Variants in NSUN2 observed in about 807,000 individuals in gnomAD.
NSUN2 encodes RNA cytosine C(5)-methyltransferase NSUN2.
In NSUN2, 63 loss-of-function variants were observed where a neutral mutation model predicts 92.7. The ratio of observed to expected loss-of-function variants is 0.68; its 90% CI spans 0.56 to 0.84. The LOEUF is 0.84. NSUN2 is among the 40% of genes least tolerant of loss of function. The pLI is 0.00. For synonymous variants in NSUN2, 356 were observed against 348.3 expected, an observed-to-expected ratio of 1.02 and a Z score of -0.25; for missense variants, 989 against 964.9, an observed-to-expected ratio of 1.02 and a Z score of -0.33.
At chr5:6,619,082 T>C (rs546280665) in intron 7 of NSUN2, among the ~76,000 whole-genome samples, 2 of 152,208 alleles carry the variant, frequency 1.3e-5, no homozygotes, top group South Asian at 2.1e-4. Flanking sequence ...CAGAATATGA[T>C]ACAAGGAACG....
intron 14 of NSUN2, among the ~76,000 whole-genome samples, chr5:6,606,210 T>C (rs6555403): frequency 0.68 from 102,821 of 152,144 alleles, 34,894 homozygotes; most frequent in Middle Eastern, 0.74. Flanking sequence ...CAACCTTGGC[T>C]ACTCGTCTAT....
Position 6,618,302 on chromosome 5 carries a change from G to GA in NSUN2, c.816-279dup, listed in dbSNP as rs559685755. Among the ~76,000 whole-genome samples the GA allele has an allele frequency of 8.5e-5, 13 of 152,206 alleles. No individual in the cohort carries two copies. The East Asian group carries it at 2.5e-3, about 29-fold the overall frequency. On this transcript the variant is annotated intron_variant, in intron 7 of 18. Coordinates refer to ENST00000264670, the MANE Select transcript of NSUN2 (RefSeq NM_017755.6). Reference sequence around the variant, plus strand: ...GGAGATATTAATGTGCTTCCATTTGGAAAAAACACTAGCAAGACTAATTTG... The same window carrying GA: ...GGAGATATTAATGTGCTTCCATTTGGAAAAAAACACTAGCAAGACTAATTTG...
rs776981749 is a variant in NSUN2, at chr5:6,604,702, A to T, written c.1738-17T>A. Reference sequence around the variant, plus strand: ...GTTAATAACCTGTAAGTAAAAAAATAAGATGAAACACAGAGAGATGAAGAC... The same window carrying T: ...GTTAATAACCTGTAAGTAAAAAAATTAGATGAAACACAGAGAGATGAAGAC... On this transcript the variant is annotated splice_polypyrimidine_tract_variant and intron_variant, in intron 15 of 18. Transcript: ENST00000264670. The T allele has an allele frequency of 1.6e-5, 25 of 1,597,310 alleles. No homozygotes were observed. Among genetic ancestry groups the T allele is most frequent in the Middle Eastern group, 1.7e-4 (1 of 6,050 alleles).
intron 4 of NSUN2, among the ~76,000 whole-genome samples, chr5:6,624,112 T>C (rs1737561834): frequency 6.6e-6 from 1 of 152,228 alleles, no homozygotes; most frequent in African/African-American, 2.4e-5. Context: ...TTTACACTGA[T>C]GGCTGCTAAT....
At chr5:6,607,434 GC>G in intron 12 of NSUN2, 50 bp from the exon 13 acceptor site, 1 of 1,511,724 alleles carries the variant, frequency 6.6e-7, no homozygotes, top group African/African-American at 1.4e-5. Context: ...CATTCTTTGT[GC>G]TGCTACGAAA....
At chr5:6,610,465 G>A (rs980304707) in intron 11 of NSUN2, among the ~76,000 whole-genome samples, 1 of 152,006 alleles carries the variant, frequency 6.6e-6, no homozygotes, top group Non-Finnish European at 1.5e-5. Flanking sequence ...GAGGTGGGCA[G>A]ATAACCTGAG....
chr5:6,599,945 C>G lies in NSUN2; in HGVS notation c.2285G>C (p.Gly762Ala). The change falls in exon 19 of 19, where the codon GGG becomes GCG. Residue 762 changes from glycine to alanine, a missense_variant. Around this residue, in one of 3 missense-constraint regions of NSUN2, gnomAD observed 626 missense variants for 602.3 expected, o/e 1.04. Coordinates refer to ENST00000264670, the MANE Select transcript of NSUN2 (RefSeq NM_017755.6). ...PDVTAGCDPA[G>A]VHPPR ...GCCTGCTCACCGGGGTGGATGGACC[C>G]CCGCCGGGTCACAGCCTGCTGTCAC... 2 of 1,613,352 alleles carry G rather than the reference C, an allele frequency of 1.2e-6. No individual in the cohort carries two copies. The highest frequency in any genetic ancestry group is 1.7e-6 in the Non-Finnish European group (2 of 1,179,970).
chr5:6,622,227 G>C (rs542969650), intron 5 of NSUN2, 127 bp from the exon 6 acceptor site: 3 of 691,850 alleles, frequency 4.3e-6, no homozygotes, highest in Non-Finnish European at 4.8e-6. Context: ...AGAGTCTATA[G>C]CATGACATAA....
chr5:6,618,210 G>C lies in NSUN2; in HGVS notation c.816-186C>G, dbSNP rs10475339. ...TTTAGGGATTTTCTAATGTATTATA[G>C]TTTTAAATTATACTTCAATTTTCAA... On this transcript the variant is annotated intron_variant, in intron 7 of 18. Coordinates refer to ENST00000264670, the MANE Select transcript of NSUN2 (RefSeq NM_017755.6). 0.68 allele frequency among the ~76,000 whole-genome samples: 102,789 copies of C among 152,028 alleles called. 34,881 individuals carry two copies. Among genetic ancestry groups the C allele is most frequent in the Middle Eastern group, 0.74 (219 of 294 alleles).
intron 2 of NSUN2, 54 bp from the exon 3 acceptor site, chr5:6,632,031 T>G: frequency 7.4e-7 from 1 of 1,348,492 alleles, no homozygotes; most frequent in Non-Finnish European, 1.0e-6. Flanking sequence ...GTTAATACAT[T>G]GTATCTTCTT....
intron 3 of NSUN2, among the ~76,000 whole-genome samples, chr5:6,626,853 A>G (rs867560433): frequency 6.6e-6 from 1 of 152,196 alleles, no homozygotes; most frequent in African/African-American, 2.4e-5. Flanking sequence ...GCAGGCTCAC[A>G]ATGTTTCCAT....
At chr5:6,630,087 GC>G (rs1242574385) in intron 3 of NSUN2, among the ~76,000 whole-genome samples, 1 of 152,118 alleles carries the variant, frequency 6.6e-6, no homozygotes, top group Non-Finnish European at 1.5e-5. Flanking sequence ...AACGACTTGA[GC>G]AAAGTCTACA....
At chr5:6,600,354 A>G (rs183176349) in intron 18 of NSUN2, 122 bp from the exon 19 acceptor site, 4 of 854,496 alleles carry the variant, frequency 4.7e-6, no homozygotes, top group Admixed American at 5.8e-5. Flanking sequence ...AAAACCCCCA[A>G]AACTACTGGG....
rs1317432691 is a variant in NSUN2, at chr5:6,599,394, T to C, written c.*532A>G. 6.5e-6 allele frequency: 1 copy of C among 152,962 alleles called. No individual in the cohort carries two copies. The highest frequency in any genetic ancestry group is 1.5e-5 in the Non-Finnish European group (1 of 68,194). The allele number at this position is 152,962 out of a possible 1,614,324, so 9.5% of individuals were successfully genotyped here. A position where few individuals can be genotyped will look rare whatever the true frequency, so the allele number is the denominator to read the frequency against. ...GCTCTTACTCTGGGAGAGTTTATTT[T>C]ACCCTTTATTCCAAAAGGCACAAAG... On this transcript the variant is annotated 3_prime_UTR_variant, in exon 19 of 19. Transcript: ENST00000264670.
At chr5:6,609,332 C>A (rs1328374286) in intron 12 of NSUN2, among the ~76,000 whole-genome samples, 1 of 152,220 alleles carries the variant, frequency 6.6e-6, no homozygotes. Flanking sequence ...TGGAAAGGAA[C>A]CAGCAGGCAG....
Position 6,632,743 on chromosome 5 carries a change from C to G in NSUN2, c.110G>C (p.Gly37Ala). 1 of 1,613,930 alleles carries G rather than the reference C, an allele frequency of 6.2e-7. No individual in the cohort carries two copies. Among genetic ancestry groups the G allele is most frequent in the South Asian group, 1.1e-5 (1 of 91,074 alleles). The change falls in exon 2 of 19, where the codon GGC (glycine) becomes GCC (alanine). Residue 37 changes from glycine to alanine, a missense_variant. Gly to Ala is a moderately conservative substitution (Grantham distance 60). Coordinates refer to ENST00000264670, the MANE Select transcript of NSUN2 (RefSeq NM_017755.6). ...GTTCTCCTTGACGATCTCGGGGTAG[C>G]CTCCTTCCCAGCCCTGAGGAAGGAA... ...GKRGEAGWEGGYPEIVKENKL... is the reference protein window; with the variant it reads ...GKRGEAGWEGAYPEIVKENKL...
rs374492277 is a variant in NSUN2 at position 6,607,416 on chromosome 5, A to C, written c.1324-32T>G. 1.5e-5 allele frequency: 24 copies of C among 1,576,688 alleles called. No homozygotes were observed. In the African/African-American group the frequency reaches 2.2e-4, roughly 14 times the overall value. On this transcript the variant is annotated intron_variant, in intron 12 of 18. Transcript: ENST00000264670. ...TAAAGAACAATTTCATTGACACACA[A>C]AGAGGAGCATTCTTTGTGCTGCTAC...
At position 6,604,237 on chromosome 5, in the gene NSUN2, T is replaced by C. The variant is rs1388889268; in HGVS notation, c.1858A>G (p.Ile620Val). The stretch of plus-strand genomic sequence containing the variant: ...TTAACATCTTCCATTGATACAGTAA[T>C]AATTCTTGAGTTAATAAATGGATAC... ...TLYPFINSRI[I>V]TVSMEDVKIL... The change falls in exon 17 of 19, where the codon ATT (isoleucine) becomes GTT (valine). Residue 620 changes from isoleucine to valine, a missense_variant. By Grantham distance (29) the Ile-to-Val change is conservative. Around this residue, in one of 3 missense-constraint regions of NSUN2, gnomAD observed 626 missense variants for 602.3 expected, o/e 1.04. Transcript: ENST00000264670. The C allele has an allele frequency of 6.2e-6, 10 of 1,604,066 alleles. No individual in the cohort carries two copies. Among genetic ancestry groups the C allele is most frequent in the Non-Finnish European group, 8.5e-6 (10 of 1,171,256 alleles).
In NSUN2 at chr5:6,631,910, C is replaced by T; in HGVS notation, c.322G>A (p.Asp108Asn). The T allele has an allele frequency of 6.2e-7, 1 of 1,614,080 alleles. No homozygotes were observed. The highest frequency in any genetic ancestry group is 8.5e-7 in the Non-Finnish European group (1 of 1,179,952). Residue 108 changes from aspartate (D) to asparagine (N), a missense_variant, in exon 3 of 19, where the codon GAC (aspartate) becomes AAC (asparagine). Coordinates refer to ENST00000264670, the MANE Select transcript of NSUN2 (RefSeq NM_017755.6). ...YFKELEDLEVDGQKVEVPQPL... is the reference protein window; with the variant it reads ...YFKELEDLEVNGQKVEVPQPL... ...TGTGGAACTTCAACTTTCTGACCGT[C>T]CACCTCCAGGTCCTCCAATTCCTTA... is the stretch of plus-strand genomic sequence containing the variant.
Sources: gnomAD v4.1 joint callset for allele counts (sites outside exome capture counted in the v4.1 genomes callset) on GRCh38, gnomAD v4.1.1 for gene constraint, gnomAD v4.1.1 regional missense constraint, MANE v1.5 for transcripts, NCBI Gene and HGNC (gene_info 2026-07-23, HGNC 2026-07-21) for gene names.